NR3C2: variants seen among roughly 807,000 people sequenced by gnomAD.
NR3C2 encodes nuclear receptor subfamily 3 group C member 2.
NR3C2 carries 15 observed loss-of-function variants against 86.4 expected under a neutral mutation model. The observed-to-expected ratio is 0.17, with a 90% CI of 0.12 to 0.27. The LOEUF is 0.27. NR3C2 is among the 10% of genes least tolerant of loss of function. NR3C2 has a pLI of 1.00. For synonymous variants in NR3C2, 458 were observed against 450.5 expected, an observed-to-expected ratio of 1.02 and a Z score of -0.21; for missense variants, 960 against 1,195.6, an observed-to-expected ratio of 0.80 and a Z score of 2.91.
intron 2 of NR3C2, among the ~76,000 whole-genome samples, chr4:148,273,948 A>G (rs762656489): frequency 3.0e-4 from 45 of 152,156 alleles, no homozygotes; most frequent in Admixed American, 1.8e-3. Context: ...AGATGTGGAT[A>G]ACAATGTCAA....
intron 2 of NR3C2, among the ~76,000 whole-genome samples, chr4:148,260,808 T>C (rs1277163364): frequency 6.6e-6 from 1 of 152,186 alleles, no homozygotes; most frequent in Non-Finnish European, 1.5e-5. Flanking sequence ...AAACAGTTTT[T>C]AGGGACAAAT....
chr4:148,215,663 A>T (rs1484321634), intron 3 of NR3C2, among the ~76,000 whole-genome samples: 1 of 152,180 alleles, frequency 6.6e-6, no homozygotes, highest in Non-Finnish European at 1.5e-5. Flanking sequence ...AGTCTTCCTC[A>T]TTCTTTTGTC....
At chr4:148,150,049 C>T (rs1442073980) in intron 6 of NR3C2, among the ~76,000 whole-genome samples, 1 of 152,126 alleles carries the variant, frequency 6.6e-6, no homozygotes, top group Non-Finnish European at 1.5e-5. Flanking sequence ...ATTCTAGGTA[C>T]TGAAAGAACT....
intron 3 of NR3C2, among the ~76,000 whole-genome samples, chr4:148,215,192 C>T (rs995035347): frequency 6.6e-5 from 10 of 152,226 alleles, no homozygotes; most frequent in Admixed American, 3.9e-4. Context: ...ATCCAGAATA[C>T]AGGCATGTCC....
chr4:148,353,217 A>C (rs986600674), intron 2 of NR3C2, among the ~76,000 whole-genome samples: 1 of 152,124 alleles, frequency 6.6e-6, no homozygotes, highest in Non-Finnish European at 1.5e-5. Context: ...AAATGTAAGA[A>C]GGCTTATAAT....
chr4:148,194,927 T>C (rs1736371557), intron 3 of NR3C2, 65 bp from the exon 4 acceptor site: 2 of 1,117,910 alleles, frequency 1.8e-6, no homozygotes, highest in South Asian at 2.5e-5. Flanking sequence ...TTAATATGTA[T>C]ACTCAGAATA....
At chr4:148,157,977 A>C (rs1228232765) in intron 4 of NR3C2, among the ~76,000 whole-genome samples, 1 of 152,242 alleles carries the variant, frequency 6.6e-6, no homozygotes, top group Non-Finnish European at 1.5e-5. Context: ...AGACATAACT[A>C]CTGGCTTTAA....
intron 3 of NR3C2, among the ~76,000 whole-genome samples, chr4:148,257,733 GTAAAC>G (rs1739901345): frequency 6.6e-6 from 1 of 151,940 alleles, no homozygotes; most frequent in Non-Finnish European, 1.5e-5. Context: ...GGATAAAAGA[GTAAAC>G]TAACAAAAAA....
intron 3 of NR3C2, among the ~76,000 whole-genome samples, chr4:148,215,818 C>T (rs547251561): frequency 2.2e-4 from 28 of 129,782 alleles, no homozygotes; most frequent in African/African-American, 7.6e-4. Flanking sequence ...CTTGTTCTGT[C>T]GCCCAGGCCA....
chr4:148,428,643 G>A (rs1749661012), intron 2 of NR3C2, among the ~76,000 whole-genome samples: 1 of 152,038 alleles, frequency 6.6e-6, no homozygotes, highest in Admixed American at 6.5e-5. Context: ...GTAAATTTGT[G>A]ATTATTTCAA....
In NR3C2 at chr4:148,294,892, A is replaced by C. The variant is rs574310151; in HGVS notation, c.1758-34775T>G. ...TGTCCCAGCTACTAAAGAGGCTGAG[A>C]CAGGAGGATTGCTTGAGCCTAGGAG... On this transcript the variant is annotated intron_variant, in intron 2 of 8. Transcript: ENST00000358102. Among the ~76,000 whole-genome samples, 4 of 152,176 alleles carry C rather than the reference A, an allele frequency of 2.6e-5. No homozygotes were observed. In the East Asian group the frequency reaches 7.8e-4, roughly 30 times the overall value.
chr4:148,444,252 T>G (rs1209566900), upstream of NR3C2: 4 of 985,250 alleles, frequency 4.1e-6, no homozygotes, highest in Non-Finnish European at 4.8e-6. Context: ...TTTTATCTCC[T>G]TTGAGGAGGG....
chr4:148,197,338 C>A (rs1435871702), intron 3 of NR3C2, among the ~76,000 whole-genome samples: 2 of 152,136 alleles, frequency 1.3e-5, no homozygotes, highest in African/African-American at 4.8e-5. Context: ...ATACACTGAA[C>A]TGAATAAACT....
chr4:148,104,399 G>T (rs1731699796), intron 8 of NR3C2, among the ~76,000 whole-genome samples: 1 of 122,382 alleles, frequency 8.2e-6, no homozygotes, highest in African/African-American at 3.1e-5. Flanking sequence ...TTGGTGTCTT[G>T]GAAGAGAAGG....
At chr4:148,259,103 C>T (rs1028653216) in intron 3 of NR3C2, among the ~76,000 whole-genome samples, 1 of 152,112 alleles carries the variant, frequency 6.6e-6, no homozygotes, top group African/African-American at 2.4e-5. Context: ...ACATTCAAGC[C>T]ACTTATGTTT....
intron 2 of NR3C2, among the ~76,000 whole-genome samples, chr4:148,421,724 C>T (rs1029812727): frequency 6.6e-6 from 1 of 152,008 alleles, no homozygotes; most frequent in African/African-American, 2.4e-5. Flanking sequence ...TATTTATTCC[C>T]GCTACAGTAA....
chr4:148,365,258 T>C (rs1161861056), intron 2 of NR3C2, among the ~76,000 whole-genome samples: 1 of 152,208 alleles, frequency 6.6e-6, no homozygotes, highest in Non-Finnish European at 1.5e-5. Context: ...GTTGGGGACC[T>C]GCATTTTGAC....
intron 6 of NR3C2, among the ~76,000 whole-genome samples, chr4:148,148,562 C>G (rs1051400675): frequency 6.6e-6 from 1 of 152,202 alleles, no homozygotes; most frequent in Non-Finnish European, 1.5e-5. Flanking sequence ...TCCAGCCACA[C>G]TGTCTTGCTC....
At chr4:148,333,519 C>T (rs1211556825) in intron 2 of NR3C2, among the ~76,000 whole-genome samples, 2 of 135,026 alleles carry the variant, frequency 1.5e-5, no homozygotes, top group African/African-American at 5.4e-5. Context: ...TCTCCTGGAA[C>T]TTCCAGAAAG....
Sources: allele counts gnomAD v4.1 joint callset (sites outside exome capture counted in the v4.1 genomes callset), GRCh38; gene constraint gnomAD v4.1.1; transcripts MANE v1.5; gene names NCBI Gene and HGNC (gene_info 2026-07-23, HGNC 2026-07-21).